SDK1: variants seen among roughly 807,000 people sequenced by gnomAD.
SDK1 encodes sidekick cell adhesion molecule 1, also known as protein sidekick-1.
In SDK1, 157 loss-of-function variants were observed where a neutral mutation model predicts 245.5. The ratio of observed to expected loss-of-function variants is 0.64; its 90% CI spans 0.56 to 0.73. The LOEUF is 0.73. Ranked by LOEUF, SDK1 falls within the 30% of genes least tolerant of loss-of-function variation. SDK1 has a pLI of 0.00. For missense variants in SDK1, 3,583 were observed against 3,002.3 expected, an observed-to-expected ratio of 1.19 and a Z score of -4.52; for synonymous variants, 1,647 against 1,278.5, an observed-to-expected ratio of 1.29 and a Z score of -6.15.
chr7:3,937,860 C>CA (rs1183691811), intron 5 of SDK1, among the ~76,000 whole-genome samples: 7 of 151,870 alleles, frequency 4.6e-5, no homozygotes, highest in Admixed American at 6.6e-5. Flanking sequence ...TTCTTTGAGA[C>CA]AGAGTCTCAC....
At position 4,080,019 on chromosome 7, in the gene SDK1, C is replaced by T. The variant is rs556603525; in HGVS notation, c.3324+435C>T. Among the ~76,000 whole-genome samples, 35 of 152,236 alleles carry T rather than the reference C, an allele frequency of 2.3e-4. 1 individual carries two copies. The highest frequency in any genetic ancestry group is 7.5e-4 in the African/African-American group (31 of 41,526). On this transcript the variant is annotated intron_variant, in intron 22 of 44. Coordinates refer to ENST00000404826, the MANE Select transcript of SDK1 (RefSeq NM_152744.4). ...CTATCAGCAGGCACTATTCTGAGCA[C>T]GGGGGCTATTGCAGTAGACAAAGCT...
chr7:3,886,135 G>A (rs1023890335), intron 5 of SDK1, among the ~76,000 whole-genome samples: 44 of 152,196 alleles, frequency 2.9e-4, no homozygotes, highest in African/African-American at 9.9e-4. Flanking sequence ...TGCAAAACAC[G>A]GACTGTACAG....
chr7:4,201,047 T>G (rs950567447), intron 35 of SDK1, among the ~76,000 whole-genome samples: 1 of 152,198 alleles, frequency 6.6e-6, no homozygotes, highest in African/African-American at 2.4e-5. Flanking sequence ...CTCAGACATC[T>G]GGGGTGCACT....
intron 1 of SDK1, among the ~76,000 whole-genome samples, chr7:3,600,367 C>T (rs1781214813): frequency 6.6e-6 from 1 of 152,056 alleles, no homozygotes; most frequent in Admixed American, 6.6e-5. Context: ...ACATCATCTA[C>T]AAATAATAAC....
chr7:3,669,834 A>AAG (rs1214669049), intron 4 of SDK1, among the ~76,000 whole-genome samples: 4 of 152,194 alleles, frequency 2.6e-5, no homozygotes, highest in Non-Finnish European at 5.9e-5. Context: ...AAGGTGCTTC[A>AAG]TACTCAGTAG....
intron 22 of SDK1, among the ~76,000 whole-genome samples, chr7:4,099,959 G>A (rs1782426833): frequency 6.6e-6 from 1 of 152,100 alleles, no homozygotes. Flanking sequence ...GGTGACCACT[G>A]TGGTCCTCGC....
intron 39 of SDK1, 114 bp from the exon 40 acceptor site, chr7:4,221,125 C>A: frequency 7.7e-7 from 1 of 1,304,736 alleles, no homozygotes; most frequent in Non-Finnish European, 1.1e-6. Flanking sequence ...AAGTAACCTG[C>A]CCAGACACTC....
intron 17 of SDK1, among the ~76,000 whole-genome samples, chr7:4,028,316 G>A (rs1031041342): frequency 6.6e-5 from 10 of 152,202 alleles, no homozygotes; most frequent in African/African-American, 2.2e-4. Flanking sequence ...CCCACCAGCT[G>A]TCATAGCAGA....
chr7:3,776,752 G>C (rs1226008838), intron 4 of SDK1, among the ~76,000 whole-genome samples: 1 of 150,884 alleles, frequency 6.6e-6, no homozygotes, highest in East Asian at 1.9e-4. Flanking sequence ...CAAATTGCCT[G>C]CCAATAGAAT....
intron 2 of SDK1, among the ~76,000 whole-genome samples, chr7:3,632,377 A>G (rs144984793): frequency 2.0e-5 from 3 of 152,346 alleles, no homozygotes; most frequent in African/African-American, 7.2e-5. Context: ...TTCAACATTA[A>G]TTCTTAGGTC....
At chr7:3,601,434 T>G (rs1476089172) in intron 1 of SDK1, among the ~76,000 whole-genome samples, 1 of 152,136 alleles carries the variant, frequency 6.6e-6, no homozygotes, top group African/African-American at 2.4e-5. Context: ...TATTTCATTT[T>G]GGCTGAATTT....
At chr7:3,382,253 G>A (rs1270166648) in intron 1 of SDK1, among the ~76,000 whole-genome samples, 3 of 151,914 alleles carry the variant, frequency 2.0e-5, no homozygotes, top group Non-Finnish European at 4.4e-5. Context: ...TTACAGGCAT[G>A]AACCATAGCA....
rs189891383 is a variant in SDK1, at chr7:3,897,425, T to A, written c.848-53498T>A. The stretch of plus-strand genomic sequence containing the variant: ...CCTGTCTCCTTGAATTCTACTACTC[T>A]AGAGGCCTCATATAAGTGGAGACAC... On this transcript the variant is annotated intron_variant, in intron 5 of 44. Transcript: ENST00000404826. 1.3e-3 allele frequency among the ~76,000 whole-genome samples: 205 copies of A among 152,278 alleles called. 1 individual carries two copies. The highest frequency in any genetic ancestry group is 4.8e-3 in the African/African-American group (200 of 41,564).
chr7:3,638,951 T>C (rs924926344), intron 2 of SDK1, 53 bp from the exon 3 acceptor site: 7 of 1,099,686 alleles, frequency 6.4e-6, no homozygotes, highest in African/African-American at 1.5e-5. Context: ...TGGTTAGATA[T>C]AACCATGAAA....
At chr7:4,233,990 C>T (rs577750173) in intron 41 of SDK1, among the ~76,000 whole-genome samples, 1 of 152,342 alleles carries the variant, frequency 6.6e-6, no homozygotes, top group South Asian at 2.1e-4. Flanking sequence ...AAATCATTCG[C>T]AAGGAAAGCA....
At chr7:3,823,965 GT>G (rs1028860703) in intron 5 of SDK1, among the ~76,000 whole-genome samples, 6 of 136,054 alleles carry the variant, frequency 4.4e-5, no homozygotes, top group Admixed American at 1.5e-4. Context: ...TTTTTTTTTT[GT>G]TTTTTTTTCT....
chr7:3,658,773 C>T (rs1191279397), intron 4 of SDK1, among the ~76,000 whole-genome samples: 1 of 152,058 alleles, frequency 6.6e-6, no homozygotes, highest in Admixed American at 6.5e-5. Context: ...TGCCACCACA[C>T]CTGACTAATG....
chr7:3,344,604 T>C (rs1439794354), intron 1 of SDK1, among the ~76,000 whole-genome samples: 1 of 152,164 alleles, frequency 6.6e-6, no homozygotes, highest in Non-Finnish European at 1.5e-5. Flanking sequence ...TACCCCAAAA[T>C]TTGCAACAAA....
At chr7:3,336,787 G>A (rs1229006674) in intron 1 of SDK1, among the ~76,000 whole-genome samples, 2 of 152,194 alleles carry the variant, frequency 1.3e-5, no homozygotes, top group African/African-American at 2.4e-5. Context: ...CACTTTGGCT[G>A]GGAAAGTGTC....
Sources: gnomAD v4.1 joint callset for allele counts (sites outside exome capture counted in the v4.1 genomes callset) on GRCh38, gnomAD v4.1.1 for gene constraint, MANE v1.5 for transcripts, NCBI Gene and HGNC (gene_info 2026-07-23, HGNC 2026-07-21) for gene names.